Variants in STOML3 observed in about 807,000 individuals in gnomAD.
STOML3 encodes stomatin like 3, also known as stomatin-like protein 3.
A neutral mutation model predicts 29.5 loss-of-function variants in STOML3; 31 were observed. The ratio of observed to expected loss-of-function variants is 1.05; its 90% CI spans 0.79 to 1.42. STOML3 has a LOEUF of 1.42. STOML3 is among the 40% of genes most tolerant of loss of function. The pLI, the probability that STOML3 is intolerant of heterozygous loss-of-function variation, is 0.00. For missense variants in STOML3, 380 were observed against 363.0 expected (o/e 1.05, Z -0.38); for synonymous variants, 122 against 139.8 (o/e 0.87, Z 0.90).
At chr13:38,971,140 C>A (rs905578284) in intron 4 of STOML3, among the ~76,000 whole-genome samples, 2 of 152,092 alleles carry the variant, frequency 1.3e-5, no homozygotes, top group African/African-American at 4.8e-5. Context: ...GCAAGTGACT[C>A]TCCTGCCTCA....
intron 1 of STOML3, among the ~76,000 whole-genome samples, chr13:38,988,004 CAT>C (rs1868694231): frequency 1.1e-5 from 1 of 91,314 alleles, no homozygotes; most frequent in Non-Finnish European, 2.1e-5. Context: ...TATTTTATAT[CAT>C]ATATTTTATA....
intron 1 of STOML3, among the ~76,000 whole-genome samples, chr13:38,984,025 C>A (rs915214729): frequency 6.6e-6 from 1 of 152,150 alleles, no homozygotes; most frequent in Non-Finnish European, 1.5e-5. Context: ...GGCATCCCCC[C>A]CCACAGCAGC....
At chr13:38,985,626 C>T (rs978476206) in intron 1 of STOML3, among the ~76,000 whole-genome samples, 4 of 152,056 alleles carry the variant, frequency 2.6e-5, no homozygotes, top group East Asian at 1.9e-4. Flanking sequence ...TTATTTATAA[C>T]AGTGGTAAAT....
At chr13:38,970,624 C>G (rs1395427581) in intron 4 of STOML3, among the ~76,000 whole-genome samples, 1 of 152,210 alleles carries the variant, frequency 6.6e-6, no homozygotes, top group African/African-American at 2.4e-5. Context: ...GCTTTTACAT[C>G]CTATAGGCAG....
intron 6 of STOML3, among the ~76,000 whole-genome samples, chr13:38,967,305 C>G (rs1340657460): frequency 6.6e-6 from 1 of 152,084 alleles, no homozygotes; most frequent in Non-Finnish European, 1.5e-5. Context: ...TAAAAGTACT[C>G]TCTTGAATAC....
intron 1 of STOML3, chr13:38,980,001 T>G (rs897042910): frequency 1.8e-5 from 28 of 1,526,056 alleles, no homozygotes; most frequent in Non-Finnish European, 2.4e-5. Context: ...AGACACAGCC[T>G]TAACACCAGC....
chr13:38,969,238 A>C (rs552712229), intron 5 of STOML3, among the ~76,000 whole-genome samples: 2 of 152,328 alleles, frequency 1.3e-5, no homozygotes, highest in African/African-American at 4.8e-5. Flanking sequence ...AAACCATTGA[A>C]GATATCTTGC....
chr13:38,967,854 C>T lies in STOML3; in HGVS notation c.651+546G>A, dbSNP rs543157204. The stretch of plus-strand genomic sequence containing the variant: ...CACACAGGCATGAAAGTCAGAATCT[C>T]AACAGATTTCAAGGACATTCAGAGC... On this transcript the variant is annotated intron_variant, in intron 6 of 6. Coordinates refer to ENST00000379631, the MANE Select transcript of STOML3 (RefSeq NM_145286.3). Among the ~76,000 whole-genome samples the T allele has an allele frequency of 3.3e-5, 5 of 152,286 alleles. No homozygotes were observed. The South Asian group carries it at 1.0e-3, about 32-fold the overall frequency.
chr13:38,988,422 C>A (rs1263805142), intron 1 of STOML3, among the ~76,000 whole-genome samples: 1 of 75,170 alleles, frequency 1.3e-5, no homozygotes, highest in Non-Finnish European at 2.2e-5. Context: ...TATTTTATAT[C>A]ATATATTTTA....
At chr13:38,985,358 G>C (rs991700159) in intron 1 of STOML3, among the ~76,000 whole-genome samples, 2 of 152,108 alleles carry the variant, frequency 1.3e-5, no homozygotes, top group Non-Finnish European at 2.9e-5. Context: ...GGGAGGCAGA[G>C]TTTGCAATGA....
intron 1 of STOML3, among the ~76,000 whole-genome samples, chr13:38,985,933 T>TTTTTTTTTTG (rs1868510740): frequency 7.2e-6 from 1 of 139,808 alleles, no homozygotes; most frequent in African/African-American, 2.7e-5. Context: ...TTTTTTTTTT[T>TTTTTTTTTTG]GTTTGAGAGA....
intron 1 of STOML3, among the ~76,000 whole-genome samples, chr13:38,986,385 AC>A (rs1235347290): frequency 2.0e-5 from 3 of 152,112 alleles, no homozygotes; most frequent in Non-Finnish European, 4.4e-5. Context: ...GTCAAGTTTT[AC>A]AAAAAGGAAG....
chr13:38,988,326 T>G lies in STOML3; in HGVS notation c.52+2344A>C, dbSNP rs559681345. On this transcript the variant is annotated intron_variant, in intron 1 of 6. Transcript: ENST00000379631. ...ATATTTTATATATAATATATTATAT[T>G]TTATATATAATATATTATATTTTAT... 5.9e-5 allele frequency among the ~76,000 whole-genome samples: 5 copies of G among 85,156 alleles called. 1 individual carries two copies. The highest frequency in any genetic ancestry group is 9.3e-5 in the Non-Finnish European group (5 of 53,624). The allele number at this position is 85,156 out of a possible 152,430, so 55.9% of individuals were successfully genotyped here.
At chr13:38,980,243 C>G in intron 1 of STOML3, 1 of 1,025,498 alleles carries the variant, frequency 9.8e-7, no homozygotes, top group East Asian at 2.7e-5. Flanking sequence ...GCCTGGGGGT[C>G]TCATTAGCTG....
At position 38,990,779 on chromosome 13, in the gene STOML3, G is replaced by C; in HGVS notation, c.-58C>G. On this transcript the variant is annotated 5_prime_UTR_variant, in exon 1 of 7. Coordinates refer to ENST00000379631, the MANE Select transcript of STOML3 (RefSeq NM_145286.3). ...TTTTCATGGGTTTGGAGCTAAGTGT[G>C]AAGAACAGGCAGCAACTCAGATGTG... The C allele has an allele frequency of 6.5e-7, 1 of 1,546,164 alleles. No homozygotes were observed. The highest frequency in any genetic ancestry group is 1.1e-5 in the South Asian group (1 of 88,564).
intron 3 of STOML3, among the ~76,000 whole-genome samples, chr13:38,975,874 T>C (rs919950194): frequency 3.3e-4 from 50 of 152,268 alleles, no homozygotes; most frequent in African/African-American, 1.1e-3. Context: ...AATATTTTCT[T>C]TTTCAAGGTG....
chr13:38,985,911 C>CTTTCTTTTTT (rs1868503447), intron 1 of STOML3, among the ~76,000 whole-genome samples: 2 of 85,616 alleles, frequency 2.3e-5, no homozygotes, highest in African/African-American at 4.5e-5. Flanking sequence ...TCTTTTCTTT[C>CTTTCTTTTTT]TTTTTTTTTT....
intron 4 of STOML3, 136 bp from the exon 5 acceptor site, chr13:38,970,524 G>A (rs1248212615): frequency 1.5e-6 from 1 of 682,360 alleles, no homozygotes; most frequent in Non-Finnish European, 2.5e-6. Context: ...CCTAAAACCT[G>A]TCCTGGCTTG....
rs374604266 is a variant in STOML3 at position 38,982,242 on chromosome 13, T to TAA, written c.53-5447_53-5446dup. 2.4e-3 allele frequency among the ~76,000 whole-genome samples: 357 copies of TAA among 149,512 alleles called. 2 individuals carry two copies. Among genetic ancestry groups the TAA allele is most frequent in the African/African-American group, 8.2e-3 (333 of 40,844 alleles). On this transcript the variant is annotated intron_variant, in intron 1 of 6. Coordinates refer to ENST00000379631, the MANE Select transcript of STOML3 (RefSeq NM_145286.3). ...CTCCCTTTTCTTAGGGCATTTTCTT[T>TAA]AAAAAAAAAATAATAATAATAAAAC...
Sources: gnomAD v4.1 joint callset for allele counts (sites outside exome capture counted in the v4.1 genomes callset) on GRCh38, gnomAD v4.1.1 for gene constraint, MANE v1.5 for transcripts, NCBI Gene and HGNC (gene_info 2026-07-23, HGNC 2026-07-21) for gene names.